Variants in CPNE8 observed in about 807,000 individuals in gnomAD.
The protein encoded by CPNE8 is copine 8, also known as copine-8.
In CPNE8, 45 loss-of-function variants were observed where a neutral mutation model predicts 81.5. That is an observed-to-expected ratio of 0.55 (90% CI 0.44 to 0.71). The LOEUF (loss-of-function observed/expected upper bound fraction) is 0.71. CPNE8 is among the 30% of genes least tolerant of loss of function. The probability of loss-of-function intolerance (pLI) is 0.00; values close to 1 mark genes in which losing one functional copy is unlikely to be tolerated. For synonymous variants in CPNE8, 252 were observed against 226.3 expected, an observed-to-expected ratio of 1.11 and a Z score of -1.02; for missense variants, 594 against 672.1, an observed-to-expected ratio of 0.88 and a Z score of 1.28.
chr12:38,765,163 T>C (rs1358649266), intron 8 of CPNE8, among the ~76,000 whole-genome samples: 2 of 152,180 alleles, frequency 1.3e-5, no homozygotes, highest in African/African-American at 4.8e-5. Flanking sequence ...ATCATATATA[T>C]AGGAAAACCT....
At chr12:38,884,649 A>G (rs866610701) in intron 1 of CPNE8, among the ~76,000 whole-genome samples, 1 of 152,338 alleles carries the variant, frequency 6.6e-6, no homozygotes, top group African/African-American at 2.4e-5. Flanking sequence ...CATTCCTACC[A>G]GCAATATATA....
At chr12:38,889,294 C>A (rs1348276883) in intron 1 of CPNE8, among the ~76,000 whole-genome samples, 3 of 152,080 alleles carry the variant, frequency 2.0e-5, no homozygotes. Flanking sequence ...GAGGGGTGGG[C>A]AAGTCAATCT....
At position 38,656,113 on chromosome 12, in the gene CPNE8, C is replaced by A. The variant is rs574851212; in HGVS notation, c.1507-2043G>T. 2.2e-3 allele frequency among the ~76,000 whole-genome samples: 312 copies of A among 139,330 alleles called. 8 individuals are homozygous for A. The East Asian group carries it at 0.055, about 24-fold the overall frequency. 91.4% of individuals were successfully genotyped at this position (139,330 alleles called of 152,430 possible). A position where few individuals can be genotyped will look rare whatever the true frequency, so the allele number is the denominator to read the frequency against. On this transcript the variant is annotated intron_variant, in intron 19 of 19. Coordinates refer to ENST00000331366, the MANE Select transcript of CPNE8 (RefSeq NM_153634.3). ...AAAAATCAAAGAGGTAAAAAAAAAA[C>A]AAAAAACAAAAAAAACAAATTGAGG...
chr12:38,788,587 G>C (rs1048532141), intron 6 of CPNE8, among the ~76,000 whole-genome samples: 3 of 151,774 alleles, frequency 2.0e-5, no homozygotes, highest in African/African-American at 7.2e-5. Context: ...ATTCAACATA[G>C]TACTGGAAGT....
chr12:38,675,962 A>T (rs1428267587), intron 17 of CPNE8, among the ~76,000 whole-genome samples, 188 bp from the exon 18 acceptor site: 2 of 151,908 alleles, frequency 1.3e-5, no homozygotes, highest in Non-Finnish European at 2.9e-5. Flanking sequence ...TACACCAAAA[A>T]ATAATTAGCC....
intron 6 of CPNE8, among the ~76,000 whole-genome samples, chr12:38,781,616 T>C (rs77260156): frequency 0.028 from 4,312 of 152,138 alleles, 234 homozygotes; most frequent in East Asian, 0.19. Flanking sequence ...GCATCTACTA[T>C]TATAGCTCCA....
intron 6 of CPNE8, among the ~76,000 whole-genome samples, chr12:38,809,816 T>C (rs1942897116): frequency 6.6e-6 from 1 of 152,174 alleles, no homozygotes. Flanking sequence ...GGGACATAGA[T>C]CACTCCATCA....
intron 10 of CPNE8, among the ~76,000 whole-genome samples, chr12:38,755,810 G>A (rs2136834946): frequency 6.6e-6 from 1 of 152,122 alleles, no homozygotes; most frequent in Non-Finnish European, 1.5e-5. Flanking sequence ...GGAGGCCGAG[G>A]CGGGCGGATC....
intron 16 of CPNE8, chr12:38,679,584 C>A: frequency 2.0e-6 from 2 of 985,026 alleles, no homozygotes; most frequent in Non-Finnish European, 2.4e-6. Flanking sequence ...TTACATTTTA[C>A]TTTTAAGTTC....
chr12:38,655,569 TAAAATACC>T, intron 19 of CPNE8, among the ~76,000 whole-genome samples: 1 of 152,326 alleles, frequency 6.6e-6, no homozygotes, highest in Non-Finnish European at 1.5e-5. Context: ...TCTCATGCTG[TAAAATACC>T]ATTTTACATT....
chr12:38,806,251 G>T lies in CPNE8; in HGVS notation c.407+23128C>A, dbSNP rs374359229. ...AGAGGGAATCCTCCCTAACTCATTT[G>T]ATGAGGCCAGCATCATCCTGATACC... On this transcript the variant is annotated intron_variant, in intron 6 of 19. Coordinates refer to ENST00000331366, the MANE Select transcript of CPNE8 (RefSeq NM_153634.3). 1.0e-4 allele frequency among the ~76,000 whole-genome samples: 15 copies of T among 150,246 alleles called. 2 individuals carry two copies. Among genetic ancestry groups the T allele is most frequent in the African/African-American group, 2.2e-4 (9 of 41,390 alleles).
intron 4 of CPNE8, among the ~76,000 whole-genome samples, chr12:38,847,862 G>A (rs1395145940): frequency 1.3e-5 from 2 of 151,952 alleles, no homozygotes; most frequent in Non-Finnish European, 2.9e-5. Context: ...ATCTTTTAAT[G>A]TTCATGAATT....
intron 6 of CPNE8, among the ~76,000 whole-genome samples, chr12:38,817,088 G>T (rs973053718): frequency 6.6e-6 from 1 of 152,112 alleles, no homozygotes; most frequent in African/African-American, 2.4e-5. Context: ...CAGGGAATAT[G>T]TGAGCCAATT....
At chr12:38,859,548 C>A (rs1315411481) in intron 3 of CPNE8, among the ~76,000 whole-genome samples, 1 of 152,050 alleles carries the variant, frequency 6.6e-6, no homozygotes, top group African/African-American at 2.4e-5. Flanking sequence ...ATCCTAATGA[C>A]ATTTTTTATA....
At chr12:38,741,278 A>C (rs1020877961) in intron 10 of CPNE8, among the ~76,000 whole-genome samples, 1 of 152,200 alleles carries the variant, frequency 6.6e-6, no homozygotes, top group Non-Finnish European at 1.5e-5. Context: ...CTGACTTCAA[A>C]CTATACTACA....
At chr12:38,707,448 GAGAA>G (rs1940135008) in intron 13 of CPNE8, among the ~76,000 whole-genome samples, 1 of 151,962 alleles carries the variant, frequency 6.6e-6, no homozygotes, top group Non-Finnish European at 1.5e-5. Context: ...GACAAGATAA[GAGAA>G]AGAGAGAGGA....
Position 38,767,709 on chromosome 12 carries a change from G to A in CPNE8, c.501C>T (p.Asn167=), listed in dbSNP as rs1941718783. 6.4e-7 allele frequency: 1 copy of A among 1,555,374 alleles called. No individual in the cohort carries two copies. The highest frequency in any genetic ancestry group is 1.3e-5 in the South Asian group (1 of 78,594). ...CAAAGAAGTCCTTCTTGTCCAATTT[G>A]TTCGCACAAAATTGCATCAAAACGG... ...RDAVLMQFCA[N]KLDKKDFFGK... is the part of the protein sequence containing the mutation. Residue 167 remains asparagine (N), a synonymous_variant, in exon 8 of 20, where the codon AAC becomes AAT. Coordinates refer to ENST00000331366, the MANE Select transcript of CPNE8 (RefSeq NM_153634.3).
intron 17 of CPNE8, among the ~76,000 whole-genome samples, chr12:38,677,121 T>G (rs1344660460): frequency 6.6e-6 from 1 of 152,146 alleles, no homozygotes; most frequent in Non-Finnish European, 1.5e-5. Context: ...ATGTAAATGT[T>G]AAGAAATAAC....
chr12:38,831,738 T>A (rs1298220624), intron 5 of CPNE8, among the ~76,000 whole-genome samples: 1 of 152,206 alleles, frequency 6.6e-6, no homozygotes, highest in Non-Finnish European at 1.5e-5. Context: ...AAACCTAAAT[T>A]TCTTTAAGTC....
Sources: allele counts gnomAD v4.1 joint callset (sites outside exome capture counted in the v4.1 genomes callset), GRCh38; gene constraint gnomAD v4.1.1; transcripts MANE v1.5; gene names NCBI Gene and HGNC (gene_info 2026-07-23, HGNC 2026-07-21).